SLC9A7: variants seen among roughly 807,000 people sequenced by gnomAD.
SLC9A7 encodes solute carrier family 9 member A7, also known as sodium/hydrogen exchanger 7.
SLC9A7 carries 19 observed loss-of-function variants against 52.6 expected under a neutral mutation model. That is an observed-to-expected ratio of 0.36 (90% CI 0.25 to 0.53). SLC9A7 has a LOEUF of 0.53. SLC9A7 is among the 20% of genes least tolerant of loss of function. The pLI is 0.91. For synonymous variants in SLC9A7, 226 were observed against 252.1 expected, an observed-to-expected ratio of 0.90 and a Z score of 0.98; for missense variants, 455 against 597.9, an observed-to-expected ratio of 0.76 and a Z score of 2.49.
At chrX:46,742,875 T>C (rs1921458056) in intron 1 of SLC9A7, among the ~76,000 whole-genome samples, 1 of 110,484 alleles carries the variant, frequency 9.1e-6, no homozygotes, top group Non-Finnish European at 1.9e-5. Context: ...CACAGTGAGA[T>C]CCTATCTCTA....
intron 1 of SLC9A7, among the ~76,000 whole-genome samples, chrX:46,741,694 T>A (rs1921360766): frequency 9.0e-6 from 1 of 110,846 alleles, no homozygotes; most frequent in African/African-American, 3.3e-5. Context: ...CATAAAACAT[T>A]TAGGAGAAAA....
intron 3 of SLC9A7, among the ~76,000 whole-genome samples, chrX:46,673,355 A>AAC (rs57016133): frequency 0.029 from 3,022 of 102,590 alleles, 63 homozygotes; most frequent in African/African-American, 0.067. Flanking sequence ...TAAAAATATA[A>AAC]ACACACACAC....
At chrX:46,636,841 C>G (rs980154411) in intron 12 of SLC9A7, among the ~76,000 whole-genome samples, 1 of 111,829 alleles carries the variant, frequency 8.9e-6, no homozygotes, top group Non-Finnish European at 1.9e-5. Flanking sequence ...CCCAAATTCT[C>G]ATGTTATTAA....
chrX:46,673,251 A>T (rs906383300), intron 3 of SLC9A7, among the ~76,000 whole-genome samples: 4 of 111,660 alleles, frequency 3.6e-5, no homozygotes, highest in African/African-American at 9.8e-5. Context: ...AGTTTATACA[A>T]GAAGAAACAC....
chrX:46,612,924 CAAAAAAAAAAAAAAAAAAAAAAAAAAAA>C (rs57833520), intron 16 of SLC9A7, among the ~76,000 whole-genome samples: 1 of 32,479 alleles, frequency 3.1e-5, no homozygotes, highest in Non-Finnish European at 5.2e-5. Context: ...GACTCCGTCT[CAAAAAAAAAAAAAAAAAAAAAAAAAAAA>C]AAAAAAAAAA....
intron 1 of SLC9A7, among the ~76,000 whole-genome samples, chrX:46,745,652 G>A (rs1921695895): frequency 9.0e-6 from 1 of 110,656 alleles, no homozygotes; most frequent in Admixed American, 9.7e-5. Context: ...GACCAGCCTA[G>A]GCAACATAGT....
chrX:46,614,019 C>G (rs753243423), intron 15 of SLC9A7, among the ~76,000 whole-genome samples: 29 of 112,000 alleles, frequency 2.6e-4, no homozygotes, highest in Non-Finnish European at 5.3e-4. Flanking sequence ...AGCTTCTCTC[C>G]TAGACGCTAA....
intron 5 of SLC9A7, among the ~76,000 whole-genome samples, chrX:46,665,563 A>AAAAAAAAAAAAAAAAAAG (rs1943905587): frequency 1.9e-5 from 2 of 107,404 alleles, no homozygotes; most frequent in East Asian, 3.2e-4. Context: ...ATCTCAAAAA[A>AAAAAAAAAAAAAAAAAAG]AAAAAAAAAA....
At chrX:46,624,271 C>T (rs1943089481) in intron 14 of SLC9A7, among the ~76,000 whole-genome samples, 1 of 111,930 alleles carries the variant, frequency 8.9e-6, no homozygotes, top group Non-Finnish European at 1.9e-5. Flanking sequence ...GTACAGGTCA[C>T]GACCTGGGAC....
intron 5 of SLC9A7, among the ~76,000 whole-genome samples, chrX:46,665,412 G>A (rs1487447943): frequency 9.1e-6 from 1 of 110,143 alleles, no homozygotes; most frequent in Non-Finnish European, 1.9e-5. Context: ...AAAGTGGCAA[G>A]CACTGACATG....
chrX:46,609,533 T>C (rs1186013677), intron 16 of SLC9A7, among the ~76,000 whole-genome samples: 2 of 99,503 alleles, frequency 2.0e-5, no homozygotes, highest in Non-Finnish European at 3.9e-5. Flanking sequence ...ACCCCATCTC[T>C]ATTAAAAATA....
At position 46,600,969 on chromosome X, in the gene SLC9A7, C is replaced by T. The variant is rs958587864; in HGVS notation, c.*5983G>A. ...TGTCAGTTAAAGAACAACAGAATAG[C>T]TCAGAACTCAATGATACCAGTCTAA... On this transcript the variant is annotated 3_prime_UTR_variant, in exon 17 of 17. Transcript: ENST00000616978. 1.8e-5 allele frequency: 2 copies of T among 111,892 alleles called. No individual in the cohort carries two copies. Among genetic ancestry groups the T allele is most frequent in the African/African-American group, 6.5e-5 (2 of 30,790 alleles). 9.2% of individuals were successfully genotyped at this position (111,892 alleles called of 1,213,427 possible). A position where few individuals can be genotyped will look rare whatever the true frequency, so the allele number is the denominator to read the frequency against.
At chrX:46,697,257 A>G (rs1040628824) in intron 1 of SLC9A7, among the ~76,000 whole-genome samples, 13 of 112,457 alleles carry the variant, frequency 1.2e-4, no homozygotes, top group African/African-American at 4.2e-4. Flanking sequence ...CAACATAACT[A>G]TAGTTAATAA....
intron 11 of SLC9A7, among the ~76,000 whole-genome samples, chrX:46,647,860 C>T (rs1227142401): frequency 8.9e-6 from 1 of 112,853 alleles, no homozygotes; most frequent in Non-Finnish European, 1.9e-5. Context: ...GGCTGCAACT[C>T]ATTCTCTGTC....
chrX:46,710,261 CAG>C (rs1944667185), intron 1 of SLC9A7, among the ~76,000 whole-genome samples: 1 of 111,840 alleles, frequency 8.9e-6, no homozygotes, highest in African/African-American at 3.3e-5. Flanking sequence ...TTTAGGTAAA[CAG>C]AGTGAAAGCA....
intron 5 of SLC9A7, among the ~76,000 whole-genome samples, chrX:46,666,126 A>G (rs181121049): frequency 9.0e-6 from 1 of 110,956 alleles, no homozygotes; most frequent in East Asian, 2.8e-4. Flanking sequence ...CATTTTTTAA[A>G]GACAGGGTCT....
At position 46,634,613 on chromosome X, in the gene SLC9A7, G is replaced by A. The variant is rs756619374; in HGVS notation, c.1676+976C>T. Reference sequence around the variant, plus strand: ...GCCTGAAGGACTTTCCTTCTTGAAGGCATGCTTCAAAGGAAAGGGTTTCCT... The same window carrying A: ...GCCTGAAGGACTTTCCTTCTTGAAGACATGCTTCAAAGGAAAGGGTTTCCT... On this transcript the variant is annotated intron_variant, in intron 13 of 16. Coordinates refer to ENST00000616978, the MANE Select transcript of SLC9A7 (RefSeq NM_001257291.2). 8.0e-5 allele frequency among the ~76,000 whole-genome samples: 9 copies of A among 111,899 alleles called. No homozygotes were observed. In the South Asian group the frequency reaches 3.0e-3, roughly 37 times the overall value.
intron 7 of SLC9A7, among the ~76,000 whole-genome samples, chrX:46,660,585 G>C (rs894495258): frequency 4.5e-5 from 5 of 111,131 alleles, no homozygotes; most frequent in African/African-American, 1.7e-4. Context: ...CTTCTCAAAA[G>C]AAGACTTTTA....
intron 1 of SLC9A7, 104 bp from the exon 2 acceptor site, chrX:46,682,639 T>A: frequency 1.4e-6 from 1 of 722,123 alleles, no homozygotes; most frequent in Non-Finnish European, 2.1e-6. Flanking sequence ...AGCAGTAATC[T>A]TAGAAACTGG....
Sources: gnomAD v4.1 joint callset for allele counts (sites outside exome capture counted in the v4.1 genomes callset) on GRCh38, gnomAD v4.1.1 for gene constraint, MANE v1.5 for transcripts, NCBI Gene and HGNC (gene_info 2026-07-23, HGNC 2026-07-21) for gene names.